B3GALT1: variants seen among roughly 807,000 people sequenced by gnomAD.
B3GALT1 encodes beta-1,3-galactosyltransferase 1, also known as UDP-Gal:betaGlcNAc beta 1,3-galactosyltransferase, polypeptide 1.
Under a neutral mutation model 23.2 loss-of-function variants are expected in B3GALT1, and 10 were observed. That is an observed-to-expected ratio of 0.43 (90% CI 0.27 to 0.73). The LOEUF (loss-of-function observed/expected upper bound fraction) is 0.73, where lower values mean the gene tolerates loss of function less well. B3GALT1 is among the 30% of genes least tolerant of loss of function. The pLI is 0.21. For missense variants in B3GALT1, 299 were observed against 405.4 expected (o/e 0.74, Z 2.25); for synonymous variants, 156 against 141.5 (o/e 1.10, Z -0.73).
At chr2:167,403,272 G>GT (rs1698222889) in intron 1 of B3GALT1, among the ~76,000 whole-genome samples, 1 of 19,202 alleles carries the variant, frequency 5.2e-5, no homozygotes, top group Non-Finnish European at 8.5e-4. Context: ...AACTTGCGGT[G>GT]TTTGGTTTTT....
intron 1 of B3GALT1, among the ~76,000 whole-genome samples, chr2:167,402,891 G>A (rs1013664668): frequency 2.0e-5 from 3 of 152,022 alleles, no homozygotes; most frequent in African/African-American, 2.4e-5. Context: ...AATCCTGATC[G>A]TTCAATTAAA....
intron 3 of B3GALT1, among the ~76,000 whole-genome samples, chr2:167,744,651 G>T (rs1433485714): frequency 2.0e-5 from 3 of 151,944 alleles, no homozygotes; most frequent in Non-Finnish European, 4.4e-5. Context: ...GAGTGCAGTG[G>T]CATGATCACG....
intron 2 of B3GALT1, among the ~76,000 whole-genome samples, chr2:167,636,457 C>T (rs562557731): frequency 1.3e-5 from 2 of 152,132 alleles, no homozygotes; most frequent in East Asian, 1.9e-4. Context: ...ACTAGAAATA[C>T]CATTTGACCC....
intron 2 of B3GALT1, among the ~76,000 whole-genome samples, chr2:167,513,933 GTCTC>G (rs1700065076): frequency 6.6e-6 from 1 of 151,978 alleles, no homozygotes; most frequent in South Asian, 2.1e-4. Flanking sequence ...TTGAGACAGA[GTCTC>G]TCTCTGTCAC....
At chr2:167,516,087 TA>T (rs1303642883) in intron 2 of B3GALT1, among the ~76,000 whole-genome samples, 1 of 152,192 alleles carries the variant, frequency 6.6e-6, no homozygotes, top group East Asian at 1.9e-4. Context: ...TCTTATTTTT[TA>T]GACACGCCTC....
chr2:167,599,507 G>C (rs1234643420), intron 2 of B3GALT1, among the ~76,000 whole-genome samples: 1 of 152,190 alleles, frequency 6.6e-6, no homozygotes, highest in Non-Finnish European at 1.5e-5. Context: ...GCTTCAGATT[G>C]CATAGGTGGC....
chr2:167,434,653 T>A (rs1173637209), intron 1 of B3GALT1, among the ~76,000 whole-genome samples: 2 of 151,956 alleles, frequency 1.3e-5, no homozygotes, highest in African/African-American at 4.8e-5. Context: ...GCATTCCAAA[T>A]GTATTCACAA....
intron 3 of B3GALT1, among the ~76,000 whole-genome samples, chr2:167,697,044 T>G (rs887510934): frequency 2.2e-4 from 33 of 152,204 alleles, no homozygotes; most frequent in African/African-American, 8.0e-4. Flanking sequence ...CTGTTTCTGT[T>G]GTTCATGCAT....
intron 1 of B3GALT1, among the ~76,000 whole-genome samples, chr2:167,416,549 G>A (rs939057392): frequency 6.6e-5 from 10 of 152,218 alleles, no homozygotes; most frequent in Non-Finnish European, 1.3e-4. Context: ...GAGTGGAAAT[G>A]CGGGGTTAGA....
At chr2:167,708,941 T>C (rs887803294) in intron 3 of B3GALT1, among the ~76,000 whole-genome samples, 2 of 152,224 alleles carry the variant, frequency 1.3e-5, no homozygotes, top group South Asian at 4.1e-4. Flanking sequence ...TTTAAAATAT[T>C]TTTTCTCCTC....
chr2:167,561,534 A>T (rs911724883), intron 2 of B3GALT1, among the ~76,000 whole-genome samples: 6 of 152,206 alleles, frequency 3.9e-5, no homozygotes, highest in African/African-American at 1.4e-4. Flanking sequence ...TTTTGAAAGG[A>T]TCAACAAAAT....
intron 4 of B3GALT1, among the ~76,000 whole-genome samples, chr2:167,846,153 A>G (rs1273931771): frequency 6.6e-6 from 1 of 152,146 alleles, no homozygotes; most frequent in Admixed American, 6.5e-5. Context: ...GGAAGAAGAG[A>G]ATTCTAAAAG....
chr2:167,806,692 T>C (rs1482330698), intron 3 of B3GALT1, among the ~76,000 whole-genome samples: 1 of 152,080 alleles, frequency 6.6e-6, no homozygotes, highest in East Asian at 1.9e-4. Flanking sequence ...GATAAGCTTT[T>C]TGATGTGCTG....
chr2:167,714,770 C>G, intron 3 of B3GALT1: 6 of 1,613,848 alleles, frequency 3.7e-6, no homozygotes, highest in Non-Finnish European at 5.1e-6. Context: ...GGCTAGCTTT[C>G]TATAGGTCTC....
At chr2:167,414,019 A>G (rs114982031) in intron 1 of B3GALT1, among the ~76,000 whole-genome samples, 2,118 of 152,248 alleles carry the variant, frequency 0.014, 46 homozygotes, top group African/African-American at 0.047. Context: ...TCCTTTCTCT[A>G]TTAGGTTCAT....
intron 3 of B3GALT1, among the ~76,000 whole-genome samples, chr2:167,691,711 C>T (rs901455548): frequency 7.9e-5 from 12 of 151,986 alleles, no homozygotes; most frequent in Non-Finnish European, 1.5e-4. Flanking sequence ...ATATTCAGTT[C>T]TTCTATGGAA....
At chr2:167,417,282 G>A (rs1698486426) in intron 1 of B3GALT1, among the ~76,000 whole-genome samples, 1 of 152,070 alleles carries the variant, frequency 6.6e-6, no homozygotes, top group African/African-American at 2.4e-5. Flanking sequence ...CACAGGAATA[G>A]GACTGGTGGC....
At chr2:167,779,976 G>A (rs1465887815) in intron 3 of B3GALT1, among the ~76,000 whole-genome samples, 1 of 152,194 alleles carries the variant, frequency 6.6e-6, no homozygotes, top group African/African-American at 2.4e-5. Flanking sequence ...AAATGTCAAT[G>A]TGAATGTTAG....
intron 2 of B3GALT1, among the ~76,000 whole-genome samples, chr2:167,561,999 A>G (rs1666642722): frequency 6.6e-6 from 1 of 152,186 alleles, no homozygotes; most frequent in African/African-American, 2.4e-5. Flanking sequence ...CAGAAACACA[A>G]CCAAAAAAGA....
Sources: allele counts gnomAD v4.1 joint callset (sites outside exome capture counted in the v4.1 genomes callset), GRCh38; gene constraint gnomAD v4.1.1; transcripts MANE v1.5; gene names NCBI Gene and HGNC (gene_info 2026-07-23, HGNC 2026-07-21).